Variants in BID observed in about 807,000 individuals in gnomAD.
The protein encoded by BID is BH3-interacting domain death agonist.
BID carries 19 observed loss-of-function variants against 17.4 expected under a neutral mutation model. That is an observed-to-expected ratio of 1.09 (90% confidence interval 0.76 to 1.60). BID has a LOEUF of 1.60. Among genes scored for constraint, BID ranks in the 40% most tolerant of loss-of-function variants. The pLI, the probability that BID is intolerant of heterozygous loss-of-function variation, is 0.00. For synonymous variants in BID, 108 were observed against 102.8 expected, an observed-to-expected ratio of 1.05 and a Z score of -0.31; for missense variants, 226 against 256.0, an observed-to-expected ratio of 0.88 and a Z score of 0.80.
rs549922946 is a variant in BID at position 17,744,369 on chromosome 22, C to A, written c.13-356G>T. ...GAGCGAGTGTCATGCGGGCATCATC[C>A]GCCATCCTGTGCTGGCACGCTTTCT... On this transcript the variant is annotated intron_variant, in intron 2 of 5. Transcript: ENST00000622694. Among the ~76,000 whole-genome samples, 14 of 152,358 alleles carry A rather than the reference C, an allele frequency of 9.2e-5. No individual in the cohort carries two copies. The East Asian group carries it at 2.7e-3, about 29-fold the overall frequency.
At chr22:17,754,183 C>T (rs1262649302) in intron 1 of BID, among the ~76,000 whole-genome samples, 1 of 141,428 alleles carries the variant, frequency 7.1e-6, no homozygotes, top group African/African-American at 2.7e-5. Context: ...CTCCAGGACT[C>T]TGCCGGGCGG....
rs931584832 is a variant in BID, at chr22:17,735,159, T to G, written c.*421A>C. On this transcript the variant is annotated 3_prime_UTR_variant, in exon 6 of 6. Transcript: ENST00000622694. ...TGCTTTCCTCAAACAGGATACTGCC[T>G]GCTGTAAGACCATCCTCTATGGTTG... 2 of 173,390 alleles carry G rather than the reference T, an allele frequency of 1.2e-5. No individual in the cohort carries two copies. The highest frequency in any genetic ancestry group is 4.8e-5 in the African/African-American group (2 of 41,768). The allele number at this position is 173,390 out of a possible 1,614,324, so 10.7% of individuals were successfully genotyped here.
chr22:17,757,550 T>C (rs1402172886), intron 1 of BID, among the ~76,000 whole-genome samples: 1 of 148,734 alleles, frequency 6.7e-6, no homozygotes, highest in Non-Finnish European at 1.5e-5. Flanking sequence ...CTACTAAAAA[T>C]ACAAAAAAAT....
chr22:17,755,025 A>G (rs1374637513), intron 1 of BID, among the ~76,000 whole-genome samples: 3 of 150,894 alleles, frequency 2.0e-5, no homozygotes, highest in Non-Finnish European at 2.9e-5. Flanking sequence ...GCCTCCCAAA[A>G]TGCTGGGATT....
rs971466394 is a variant in BID, at chr22:17,744,159, G to A, written c.13-146C>T. The A allele has an allele frequency of 1.0e-5, 7 of 695,506 alleles. No individual in the cohort carries two copies. In the Admixed American group the frequency reaches 2.0e-4, roughly 20 times the overall value. The allele number at this position is 695,506 out of a possible 1,614,324, so 43.1% of individuals were successfully genotyped here. On this transcript the variant is annotated intron_variant, in intron 2 of 5. Coordinates refer to ENST00000622694, the MANE Select transcript of BID (RefSeq NM_001196.4). The stretch of plus-strand genomic sequence containing the variant: ...TGTGGGCTGGAGGGCCCTGCAGGAG[G>A]TCTCAACAGGCAGAGGCAAGGTCTG...
chr22:17,736,530 A>C (rs1216175876), intron 5 of BID, among the ~76,000 whole-genome samples: 2 of 151,956 alleles, frequency 1.3e-5, no homozygotes, highest in Non-Finnish European at 1.5e-5. Context: ...ACATCCACTT[A>C]ATTTCCATTT....
intron 1 of BID, among the ~76,000 whole-genome samples, chr22:17,756,406 TTTTCTCTTTCTTTCTTTCTTTC>T (rs1569047471): frequency 7.5e-6 from 1 of 133,504 alleles, no homozygotes; most frequent in African/African-American, 2.9e-5. Context: ...TTCTTTTCTT[TTTTCTCTTTCTTTCTTTCTTTC>T]TTTCTTCTTT....
chr22:17,740,107 C>T (rs759838309), intron 3 of BID: 18 of 1,165,646 alleles, frequency 1.5e-5, no homozygotes, highest in African/African-American at 3.4e-5. Context: ...ATGAAGGCCA[C>T]GCTCAACTGC....
intron 1 of BID, among the ~76,000 whole-genome samples, chr22:17,758,563 A>C (rs1426486355): frequency 6.6e-6 from 1 of 152,232 alleles, no homozygotes; most frequent in Non-Finnish European, 1.5e-5. Context: ...TGAGTGGAAA[A>C]ATAAAACATG....
intron 1 of BID, among the ~76,000 whole-genome samples, chr22:17,756,476 TTTTC>T (rs56273043): frequency 0.032 from 3,359 of 103,398 alleles, 79 homozygotes; most frequent in Non-Finnish European, 0.04. Flanking sequence ...TCTTTCTTTC[TTTTC>T]TTTCTTTCTT....
chr22:17,737,737 C>A (rs773662593), intron 5 of BID, among the ~76,000 whole-genome samples: 5 of 152,206 alleles, frequency 3.3e-5, no homozygotes, highest in Non-Finnish European at 7.3e-5. Context: ...CCTGCTTGTG[C>A]CTTGAGGACC....
chr22:17,736,835 A>T (rs1026352511), intron 5 of BID, among the ~76,000 whole-genome samples: 4 of 148,514 alleles, frequency 2.7e-5, no homozygotes, highest in African/African-American at 1.0e-4. Flanking sequence ...AGACAGTCTT[A>T]CCCCATCATC....
chr22:17,739,419 T>C lies in BID; in HGVS notation c.293A>G (p.Asp98Gly), dbSNP rs556890832. 6.2e-7 allele frequency: 1 copy of C among 1,612,154 alleles called. No homozygotes were observed. Among genetic ancestry groups the C allele is most frequent in the African/African-American group, 1.3e-5 (1 of 75,056 alleles). ...CACCAGGCCCGGAGGGATGCTACGG[T>C]CCATGCTGTCCCCGACCTGGGCGAG... ...RHLAQVGDSMDRSIPPGLVNG... is the reference protein window; with the variant it reads ...RHLAQVGDSMGRSIPPGLVNG... Residue 98 changes from aspartate (D) to glycine (G), a missense_variant, in exon 4 of 6, where the codon GAC (aspartate) becomes GGC (glycine). By Grantham distance (94) the Asp-to-Gly change is moderately conservative. Transcript: ENST00000622694.
intron 1 of BID, among the ~76,000 whole-genome samples, chr22:17,758,589 GAC>G (rs1263543180): frequency 1.3e-5 from 2 of 152,172 alleles, no homozygotes; most frequent in African/African-American, 4.8e-5. Flanking sequence ...ACATACAATT[GAC>G]ACACGCTACA....
At chr22:17,751,396 CTG>C (rs2061538945) in intron 1 of BID, among the ~76,000 whole-genome samples, 1 of 151,132 alleles carries the variant, frequency 6.6e-6, no homozygotes, top group Non-Finnish European at 1.5e-5. Flanking sequence ...AAAAAAAAGA[CTG>C]AACACAAATT....
At chr22:17,758,501 C>T (rs985909368) in intron 1 of BID, among the ~76,000 whole-genome samples, 1 of 152,258 alleles carries the variant, frequency 6.6e-6, no homozygotes, top group African/African-American at 2.4e-5. Context: ...CACATTTGCA[C>T]ACCCATGCTA....
intron 1 of BID, among the ~76,000 whole-genome samples, chr22:17,752,964 CTTTTTT>C (rs34597946): frequency 1.2e-5 from 1 of 85,186 alleles, no homozygotes; most frequent in Non-Finnish European, 2.2e-5. Context: ...CGCGCCCAGT[CTTTTTT>C]TTTTTTTTTT....
chr22:17,773,975 G>C lies in BID; in HGVS notation c.-59+406C>G, dbSNP rs1173037434. The C allele has an allele frequency of 8.6e-5, 45 of 521,200 alleles. No homozygotes were observed. Among genetic ancestry groups the C allele is most frequent in the Non-Finnish European group, 1.0e-4 (29 of 290,626 alleles). The allele number at this position is 521,200 out of a possible 1,614,324, so 32.3% of individuals were successfully genotyped here. A position where few individuals can be genotyped will look rare whatever the true frequency, so the allele number is the denominator to read the frequency against. The stretch of plus-strand genomic sequence containing the variant: ...GTGTGGGCGGGGATTCCGATCCGCC[G>C]GCAAGGGTGGCCTGCACCCGGCCAG... On this transcript the variant is annotated intron_variant, in intron 1 of 5. Transcript: ENST00000622694. This position sits in a 1 kb window ranked among gnomAD's most constrained non-coding sequence, Gnocchi z 4.4.
chr22:17,746,474 G>A (rs895579583), intron 2 of BID, among the ~76,000 whole-genome samples: 2 of 152,176 alleles, frequency 1.3e-5, no homozygotes, highest in East Asian at 1.9e-4. Flanking sequence ...CGGAGCAGCC[G>A]CATGGCACAA....
Sources: allele counts gnomAD v4.1 joint callset (sites outside exome capture counted in the v4.1 genomes callset), GRCh38; gene constraint gnomAD v4.1.1; non-coding constraint Gnocchi (gnomAD v3.1); transcripts MANE v1.5; gene names NCBI Gene and HGNC (gene_info 2026-07-23, HGNC 2026-07-21).